The following STAT4 variants were observed in gnomAD, a reference collection of about 807,000 sequenced individuals.
STAT4 encodes signal transducer and activator of transcription 4.
Under a neutral mutation model 110.5 loss-of-function variants are expected in STAT4, and 42 were observed. The observed-to-expected ratio is 0.38, with a 90% CI of 0.30 to 0.49. STAT4 has a LOEUF of 0.49. STAT4 is among the 20% of genes least tolerant of loss of function. The probability of loss-of-function intolerance (pLI) is 0.95; values close to 1 mark genes in which losing one functional copy is unlikely to be tolerated. For missense variants in STAT4, 632 were observed against 887.9 expected, an observed-to-expected ratio of 0.71 and a Z score of 3.66; for synonymous variants, 284 against 302.2, an observed-to-expected ratio of 0.94 and a Z score of 0.63.
chr2:191,119,358 A>T (rs1397165835), intron 3 of STAT4, among the ~76,000 whole-genome samples: 3 of 152,200 alleles, frequency 2.0e-5, no homozygotes, highest in Admixed American at 6.5e-5. Flanking sequence ...CTTTAAAATA[A>T]TTTAAAGTAC....
At position 191,146,861 on chromosome 2, in the gene STAT4, G is replaced by T; in HGVS notation, c.129-104C>A. ...CAATAAACCTATTACATGGTGATAA[G>T]CATTTAAAAGTTTTAAAAAATTAAA... On this transcript the variant is annotated intron_variant, in intron 2 of 23. Coordinates refer to ENST00000392320, the MANE Select transcript of STAT4 (RefSeq NM_003151.4). The surrounding 1 kb of genome is among the most constrained non-coding windows in gnomAD (Gnocchi z 4.5). 1 of 1,106,964 alleles carries T rather than the reference G, an allele frequency of 9.0e-7. No homozygotes were observed. The highest frequency in any genetic ancestry group is 1.2e-6 in the Non-Finnish European group (1 of 843,212). The allele number at this position is 1,106,964 out of a possible 1,614,324, so 68.6% of individuals were successfully genotyped here.
intron 3 of STAT4, among the ~76,000 whole-genome samples, chr2:191,080,588 A>G (rs1300757017): frequency 6.6e-6 from 1 of 152,164 alleles, no homozygotes; most frequent in Non-Finnish European, 1.5e-5. Context: ...TTTTTTCTAC[A>G]TATGGTTAAA....
chr2:191,123,443 C>A (rs1214883350), intron 3 of STAT4, among the ~76,000 whole-genome samples: 1 of 152,196 alleles, frequency 6.6e-6, no homozygotes, highest in Non-Finnish European at 1.5e-5. Context: ...GTTTCCTCTA[C>A]CCTTCCTTCT....
At chr2:191,052,959 C>T (rs978459457) in intron 14 of STAT4, among the ~76,000 whole-genome samples, 3 of 152,120 alleles carry the variant, frequency 2.0e-5, no homozygotes, top group African/African-American at 7.2e-5. Flanking sequence ...CCCTGAGCAG[C>T]GATTCTACCC....
intron 3 of STAT4, among the ~76,000 whole-genome samples, chr2:191,108,889 G>A (rs961551259): frequency 2.0e-5 from 3 of 152,118 alleles, no homozygotes; most frequent in Admixed American, 2.0e-4. Flanking sequence ...TTTCTTAATT[G>A]AATTTTCCAT....
At chr2:191,122,992 C>T (rs751068990) in intron 3 of STAT4, among the ~76,000 whole-genome samples, 1 of 152,158 alleles carries the variant, frequency 6.6e-6, no homozygotes, top group Non-Finnish European at 1.5e-5. Context: ...TCAATAAAAG[C>T]ATCTTTAAAA....
chr2:191,055,394 T>G (rs11695392), intron 13 of STAT4, among the ~76,000 whole-genome samples: 1 of 73,818 alleles, frequency 1.4e-5, no homozygotes, highest in African/African-American at 4.5e-5. Context: ...TTTTTTTTTG[T>G]ATTTTTAGTA....
Position 191,031,761 on chromosome 2 carries a change from T to C in STAT4, c.2045-245A>G, listed in dbSNP as rs1431527459. On this transcript the variant is annotated intron_variant, in intron 21 of 23. Coordinates refer to ENST00000392320, the MANE Select transcript of STAT4 (RefSeq NM_003151.4). This position sits in a 1 kb window ranked among gnomAD's most constrained non-coding sequence, Gnocchi z 4.8. ...ATCTGACTTTACATATTAATGCCTC[T>C]AAACTGTGTGGGAAAAATTGAGAAT... is the stretch of plus-strand genomic sequence containing the variant. Among the ~76,000 whole-genome samples the C allele has an allele frequency of 3.3e-5, 5 of 152,232 alleles. No individual in the cohort carries two copies. The highest frequency in any genetic ancestry group is 7.3e-5 in the Non-Finnish European group (5 of 68,042).
chr2:191,125,493 T>TATTATTATTATTATTATTATTATC (rs1205140062), intron 3 of STAT4, among the ~76,000 whole-genome samples: 2 of 148,402 alleles, frequency 1.3e-5, no homozygotes, highest in African/African-American at 4.9e-5. Context: ...TTATTATTAT[T>TATTATTATTATTATTATTATTATC]ATTATTATTA....
Position 191,112,328 on chromosome 2 carries a change from C to A in STAT4, c.273+34285G>T, listed in dbSNP as rs1314002469. ...ATGTGACCTTGGGCAACAGCGTGAC[C>A]TTTCCAAGCCTCAGTTCCCTCATCT... On this transcript the variant is annotated intron_variant, in intron 3 of 23. Coordinates refer to ENST00000392320, the MANE Select transcript of STAT4 (RefSeq NM_003151.4). This position sits in a 1 kb window ranked among gnomAD's most constrained non-coding sequence, Gnocchi z 4.3. Among the ~76,000 whole-genome samples the A allele has an allele frequency of 1.3e-5, 2 of 152,110 alleles. No individual in the cohort carries two copies. Among genetic ancestry groups the A allele is most frequent in the African/African-American group, 4.8e-5 (2 of 41,416 alleles).
intron 3 of STAT4, among the ~76,000 whole-genome samples, chr2:191,141,458 T>TACATAC (rs535041303): frequency 1.0e-4 from 4 of 39,816 alleles, no homozygotes; most frequent in African/African-American, 2.5e-4. Flanking sequence ...ATCACATATA[T>TACATAC]ACATATGTAT....
Position 191,104,119 on chromosome 2 carries a change from T to C in STAT4, c.274-27794A>G, listed in dbSNP as rs1021772880. 1.3e-5 allele frequency among the ~76,000 whole-genome samples: 2 copies of C among 152,146 alleles called. No individual in the cohort carries two copies. Among genetic ancestry groups the C allele is most frequent in the Non-Finnish European group, 2.9e-5 (2 of 68,002 alleles). On this transcript the variant is annotated intron_variant, in intron 3 of 23. Coordinates refer to ENST00000392320, the MANE Select transcript of STAT4 (RefSeq NM_003151.4). This position sits in a 1 kb window ranked among gnomAD's most constrained non-coding sequence, Gnocchi z 4.3. ...CCCGTTTTGTGAAAAAATATATCTA[T>C]TCATCTCTAATACTTTTAAAAAGAC...
chr2:191,073,481 G>A (rs1697223609), intron 4 of STAT4, among the ~76,000 whole-genome samples: 1 of 152,312 alleles, frequency 6.6e-6, no homozygotes, highest in South Asian at 2.1e-4. Context: ...GAGCTCAAGA[G>A]TTTGAGACCA....
In STAT4 at chr2:191,058,672, T is replaced by C. The variant is rs1242311424; in HGVS notation, c.1094+38A>G. 2 of 1,277,350 alleles carry C rather than the reference T, an allele frequency of 1.6e-6. No homozygotes were observed. The highest frequency in any genetic ancestry group is 3.0e-5 in the African/African-American group (2 of 67,172). 79.1% of individuals were successfully genotyped at this position (1,277,350 alleles called of 1,614,324 possible). On this transcript the variant is annotated intron_variant, in intron 11 of 23. Transcript: ENST00000392320. The surrounding 1 kb of genome is among the most constrained non-coding windows in gnomAD (Gnocchi z 4.3). The stretch of plus-strand genomic sequence containing the variant: ...GCCATTCATTTTTAAAAGTCTTACA[T>C]TTGGAATTGTAATTCAAAACGAAAT...
At chr2:191,124,432 C>T (rs370422404) in intron 3 of STAT4, among the ~76,000 whole-genome samples, 62 of 124,424 alleles carry the variant, frequency 5.0e-4, no homozygotes, top group African/African-American at 1.8e-3. Flanking sequence ...TCCAGCCTGG[C>T]GACAGAGTGA....
At chr2:191,073,303 T>C in intron 4 of STAT4, 113 bp from the exon 5 acceptor site, 1 of 750,098 alleles carries the variant, frequency 1.3e-6, no homozygotes, top group Non-Finnish European at 2.2e-6. Flanking sequence ...ATGGATACTC[T>C]ATAGTCATTA....
chr2:191,031,550 A>C lies in STAT4; in HGVS notation c.2045-34T>G, dbSNP rs1303719476. ...CAAAAAGGCACAATGTTGGGGAAAA[A>C]AATGTCAATATTATCAATAAAACTG... On this transcript the variant is annotated intron_variant, in intron 21 of 23. Coordinates refer to ENST00000392320, the MANE Select transcript of STAT4 (RefSeq NM_003151.4). This position sits in a 1 kb window ranked among gnomAD's most constrained non-coding sequence, Gnocchi z 4.8. The C allele has an allele frequency of 6.3e-7, 1 of 1,575,098 alleles. No homozygotes were observed. The highest frequency in any genetic ancestry group is 8.7e-7 in the Non-Finnish European group (1 of 1,149,238).
At chr2:191,127,762 T>C (rs542749159) in intron 3 of STAT4, among the ~76,000 whole-genome samples, 2 of 152,318 alleles carry the variant, frequency 1.3e-5, no homozygotes, top group South Asian at 4.1e-4. Context: ...AAAGTAATTA[T>C]TGCATAAAGA....
At chr2:191,148,047 A>T in intron 2 of STAT4, 29 bp downstream of exon 2, 1 of 1,612,658 alleles carries the variant, frequency 6.2e-7, no homozygotes, top group Non-Finnish European at 8.5e-7. Context: ...TTGTGCATCA[A>T]CTTCTAGGGA....
Sources: gnomAD v4.1 joint callset for allele counts (sites outside exome capture counted in the v4.1 genomes callset) on GRCh38, gnomAD v4.1.1 for gene constraint, Gnocchi (gnomAD v3.1) non-coding constraint, MANE v1.5 for transcripts, NCBI Gene and HGNC (gene_info 2026-07-23, HGNC 2026-07-21) for gene names.